Variants in USP54 observed in about 807,000 individuals in gnomAD.
USP54 encodes the protein ubiquitin carboxyl-terminal hydrolase 54.
Under a neutral mutation model 170.5 loss-of-function variants are expected in USP54, and 87 were observed. That is an observed-to-expected ratio of 0.51 (90% CI 0.43 to 0.61). The LOEUF (loss-of-function observed/expected upper bound fraction) is 0.61, where lower values mean the gene tolerates loss of function less well. USP54 is among the 20% of genes least tolerant of loss of function. The pLI is 0.00. For missense variants in USP54, 1,786 were observed against 2,047.8 expected, an observed-to-expected ratio of 0.87 and a Z score of 2.47; for synonymous variants, 655 against 742.8, an observed-to-expected ratio of 0.88 and a Z score of 1.92.
chr10:73,543,105 G>A lies in USP54; in HGVS notation c.402C>T (p.Phe134=). Residue 134 remains phenylalanine, a synonymous_variant, in exon 6 of 24, where the codon TTC becomes TTT. Transcript: ENST00000687698. ...CCTCTTTGGTTTCATCAGCAATGTG[G>A]AAGTGAATTCTCATCAGGAGGTTTT... The part of the protein sequence containing the change: ...CFENLLMRIH[F]HIADETKEDI... The A allele has an allele frequency of 6.2e-7, 1 of 1,614,100 alleles. No individual in the cohort carries two copies.
At chr10:73,512,659 T>G (rs2060399625) in intron 20 of USP54, among the ~76,000 whole-genome samples, 1 of 152,182 alleles carries the variant, frequency 6.6e-6, no homozygotes, top group South Asian at 2.1e-4. Context: ...TAGCTGGGGT[T>G]ACAGGCATGA....
chr10:73,513,637 G>A, intron 20 of USP54, among the ~76,000 whole-genome samples: 1 of 152,094 alleles, frequency 6.6e-6, no homozygotes, highest in East Asian at 1.9e-4. Flanking sequence ...TATACATATA[G>A]TGTAAAGGAT....
At chr10:73,524,537 G>A (rs1330527124) in intron 16 of USP54, among the ~76,000 whole-genome samples, 1 of 152,014 alleles carries the variant, frequency 6.6e-6, no homozygotes, top group Non-Finnish European at 1.5e-5. Flanking sequence ...CCAAGATCGC[G>A]CCATTGCACT....
At position 73,529,921 on chromosome 10, in the gene USP54, T is replaced by C. The variant is rs765793583; in HGVS notation, c.1829-10A>G. 11 of 1,521,144 alleles carry C rather than the reference T, an allele frequency of 7.2e-6. No homozygotes were observed. The highest frequency in any genetic ancestry group is 1.8e-4 in the Middle Eastern group (1 of 5,628). The allele number at this position is 1,521,144 out of a possible 1,614,324, so 94.2% of individuals were successfully genotyped here. A position where few individuals can be genotyped will look rare whatever the true frequency, so the allele number is the denominator to read the frequency against. On this transcript the variant is annotated splice_polypyrimidine_tract_variant and intron_variant, in intron 14 of 23. Coordinates refer to ENST00000687698, the MANE Select transcript of USP54 (RefSeq NM_001391956.1). Reference sequence around the variant, plus strand: ...GGTATAAATTCTTTAGCTATCCCAATCAAAAGACAGGTATGGAAAATGAGG... The same window carrying C: ...GGTATAAATTCTTTAGCTATCCCAACCAAAAGACAGGTATGGAAAATGAGG...
Position 73,517,262 on chromosome 10 carries a change from C to T in USP54, c.3164G>A (p.Cys1055Tyr). ...CTGAGCTGATGAATTTGAAGGACTA[C>T]AGCCTAGGCTGTGTTCATCACCCCT... ...SERGDEHSLG[C>Y]SPSNSSAQPS... Residue 1055 changes from cysteine to tyrosine, a missense_variant, in exon 20 of 24, where the codon TGT becomes TAT. Transcript: ENST00000687698. 1 of 1,614,006 alleles carries T rather than the reference C, an allele frequency of 6.2e-7. No homozygotes were observed. Among genetic ancestry groups the T allele is most frequent in the Non-Finnish European group, 8.5e-7 (1 of 1,179,884 alleles).
chr10:73,584,953 T>C (rs1589306108), intron 1 of USP54, among the ~76,000 whole-genome samples: 1 of 152,178 alleles, frequency 6.6e-6, no homozygotes, highest in Admixed American at 6.5e-5. Context: ...ACTGACTCAT[T>C]GCCAGTCCTC....
chr10:73,562,959 T>A (rs953090078), intron 4 of USP54, among the ~76,000 whole-genome samples: 2 of 152,176 alleles, frequency 1.3e-5, no homozygotes, highest in African/African-American at 4.8e-5. Flanking sequence ...ACACTCAATT[T>A]TTTTTTCTTT....
chr10:73,567,026 G>A (rs147240100), intron 4 of USP54, among the ~76,000 whole-genome samples: 1 of 151,680 alleles, frequency 6.6e-6, no homozygotes, highest in African/African-American at 2.4e-5. Context: ...ACAAGCATGC[G>A]CCACCACACC....
At chr10:73,588,536 A>C (rs563006527) in intron 1 of USP54, among the ~76,000 whole-genome samples, 1 of 152,322 alleles carries the variant, frequency 6.6e-6, no homozygotes, top group South Asian at 2.1e-4. Flanking sequence ...GGAAAAATGT[A>C]TTCTAAAACC....
intron 10 of USP54, among the ~76,000 whole-genome samples, chr10:73,538,769 G>A (rs557113806): frequency 1.3e-5 from 2 of 152,246 alleles, no homozygotes; most frequent in South Asian, 2.1e-4. Context: ...CCATTATCAC[G>A]CCCCTGCACT....
At chr10:73,524,114 G>T (rs549262913) in intron 16 of USP54, among the ~76,000 whole-genome samples, 330 of 149,744 alleles carry the variant, frequency 2.2e-3, no homozygotes, top group Admixed American at 3.9e-3. Context: ...CACCATGTTG[G>T]TCAGGCTGGT....
intron 20 of USP54, among the ~76,000 whole-genome samples, chr10:73,511,567 C>T (rs1400523610): frequency 6.7e-6 from 1 of 149,220 alleles, no homozygotes; most frequent in Non-Finnish European, 1.5e-5. Context: ...GGCTGAAGCA[C>T]GAGAATCGCT....
intron 4 of USP54, among the ~76,000 whole-genome samples, chr10:73,552,781 ACT>A (rs1470147813): frequency 6.6e-6 from 1 of 152,118 alleles, no homozygotes; most frequent in Non-Finnish European, 1.5e-5. Flanking sequence ...ACAGAGTGAG[ACT>A]CTGTCTCAGG....
At chr10:73,531,594 G>T (rs2133408235) in intron 12 of USP54, among the ~76,000 whole-genome samples, 1 of 152,264 alleles carries the variant, frequency 6.6e-6, no homozygotes, top group East Asian at 1.9e-4. Context: ...TCCAGACTTT[G>T]CCCACAAGAG....
At chr10:73,526,549 T>C in intron 16 of USP54, 98 bp downstream of exon 16, 1 of 1,546,730 alleles carries the variant, frequency 6.5e-7, no homozygotes, top group South Asian at 1.2e-5. Flanking sequence ...GCCCGGCCTG[T>C]AACTGTCCTC....
intron 3 of USP54, among the ~76,000 whole-genome samples, chr10:73,573,711 G>C (rs1450620794): frequency 1.3e-5 from 2 of 152,196 alleles, no homozygotes; most frequent in African/African-American, 4.8e-5. Flanking sequence ...GTGGCAGTGA[G>C]CTGAGATCCC....
chr10:73,583,894 A>G (rs1564920045), intron 1 of USP54, among the ~76,000 whole-genome samples: 2 of 152,204 alleles, frequency 1.3e-5, no homozygotes, highest in Non-Finnish European at 2.9e-5. Flanking sequence ...GTTCTGATAA[A>G]TGTATTATGG....
At chr10:73,519,396 C>T in intron 19 of USP54, 2 of 236,660 alleles carry the variant, frequency 8.5e-6, no homozygotes, top group East Asian at 1.9e-4. Flanking sequence ...AGAAAGACTG[C>T]TTTCTCTGCT....
intron 4 of USP54, among the ~76,000 whole-genome samples, chr10:73,571,151 AAAAAAAAAAAAAG>A (rs1419650012): frequency 1.3e-5 from 2 of 149,936 alleles, no homozygotes; most frequent in African/African-American, 4.9e-5. Context: ...AAAAAAAAAA[AAAAAAAAAAAAAG>A]GAGAAGCATA....
Sources: allele counts gnomAD v4.1 joint callset (sites outside exome capture counted in the v4.1 genomes callset), GRCh38; gene constraint gnomAD v4.1.1; transcripts MANE v1.5; gene names NCBI Gene and HGNC (gene_info 2026-07-23, HGNC 2026-07-21).